The following NMNAT3 variants were observed in gnomAD, a reference collection of about 807,000 sequenced individuals.
NMNAT3 encodes nicotinamide nucleotide adenylyltransferase 3, also known as nicotinamide/nicotinic acid mononucleotide adenylyltransferase 3.
In NMNAT3, 21 loss-of-function variants were observed where a neutral mutation model predicts 24.8. The ratio of observed to expected loss-of-function variants is 0.85; its 90% CI spans 0.60 to 1.22. NMNAT3 has a LOEUF of 1.22. Among genes scored for constraint, NMNAT3 ranks in the 50% most tolerant of loss-of-function variants. The pLI is 0.00. For synonymous variants in NMNAT3, 136 were observed against 155.2 expected, an observed-to-expected ratio of 0.88 and a Z score of 0.92; for missense variants, 387 against 436.6, an observed-to-expected ratio of 0.89 and a Z score of 1.01.
At position 139,671,543 on chromosome 3, in the gene NMNAT3, TATC is replaced by T. The variant is rs200771149; in HGVS notation, c.-141+6159_-141+6161del. ...CTGAAACAGGCAGCTCCTATACTTTTATCATCGACGGTCCTTTGATTACTTACA... is the reference window on the plus strand; with the variant it reads ...CTGAAACAGGCAGCTCCTATACTTTTATCGACGGTCCTTTGATTACTTACA... On this transcript the variant is annotated intron_variant, in intron 1 of 6. Coordinates refer to ENST00000643695, the MANE Select transcript of NMNAT3 (RefSeq NM_001320510.2). Among the ~76,000 whole-genome samples the T allele has an allele frequency of 2.0e-3, 302 of 152,284 alleles. 4 individuals are homozygous for T. The highest frequency in any genetic ancestry group is 7.1e-3 in the East Asian group (37 of 5,188).
intron 3 of NMNAT3, among the ~76,000 whole-genome samples, chr3:139,587,775 T>G (rs2053999796): frequency 6.6e-6 from 1 of 152,222 alleles, no homozygotes; most frequent in South Asian, 2.1e-4. Context: ...GCTCCTTCTT[T>G]TTCTCTTCCT....
In NMNAT3 at chr3:139,607,313, C is replaced by T. The variant is rs143974056; in HGVS notation, c.109+20303G>A. ...ACACCAAAGAGTTTATTTTAGCCTC[C>T]ACTCCTTTATTCATAATTCCTTTCT... On this transcript the variant is annotated intron_variant, in intron 3 of 6. Coordinates refer to ENST00000643695, the MANE Select transcript of NMNAT3 (RefSeq NM_001320510.2). 7.9e-5 allele frequency among the ~76,000 whole-genome samples: 12 copies of T among 152,160 alleles called. No individual in the cohort carries two copies. The East Asian group carries it at 2.3e-3, about 29-fold the overall frequency.
chr3:139,622,246 C>T (rs2055809784), intron 3 of NMNAT3, among the ~76,000 whole-genome samples: 1 of 152,016 alleles, frequency 6.6e-6, no homozygotes, highest in African/African-American at 2.4e-5. Context: ...CCAACATTGG[C>T]TATTTTTTGT....
chr3:139,673,585 C>T (rs557667082), intron 1 of NMNAT3, among the ~76,000 whole-genome samples: 69 of 152,228 alleles, frequency 4.5e-4, no homozygotes, highest in African/African-American at 1.4e-3. Flanking sequence ...CTTCCACATG[C>T]GGCCCTGACA....
intron 1 of NMNAT3, among the ~76,000 whole-genome samples, chr3:139,670,030 G>T (rs1271230244): frequency 6.6e-6 from 1 of 152,152 alleles, no homozygotes; most frequent in East Asian, 1.9e-4. Context: ...AAGAAATATG[G>T]TAATGTTTTT....
At chr3:139,609,103 G>C (rs2055077412) in intron 3 of NMNAT3, among the ~76,000 whole-genome samples, 1 of 152,180 alleles carries the variant, frequency 6.6e-6, no homozygotes. Context: ...GTAGTCTATG[G>C]TATGGATGTA....
chr3:139,606,460 A>G (rs1480178082), intron 3 of NMNAT3, among the ~76,000 whole-genome samples: 2 of 152,208 alleles, frequency 1.3e-5, no homozygotes, highest in East Asian at 3.9e-4. Flanking sequence ...TTTTGGTCAT[A>G]TTAACTTTGA....
At chr3:139,661,392 G>GGT (rs1357352072) in intron 1 of NMNAT3, among the ~76,000 whole-genome samples, 2 of 152,192 alleles carry the variant, frequency 1.3e-5, no homozygotes, top group Non-Finnish European at 2.9e-5. Flanking sequence ...TAGAGGGCTA[G>GGT]GTGTGGTGGC....
At chr3:139,613,338 A>G (rs2055321492) in intron 3 of NMNAT3, among the ~76,000 whole-genome samples, 1 of 152,216 alleles carries the variant, frequency 6.6e-6, no homozygotes, top group Non-Finnish European at 1.5e-5. Flanking sequence ...ATGAACAGAC[A>G]CTTCTCAAAA....
At chr3:139,636,582 A>T (rs1014226848) in intron 2 of NMNAT3, 1 of 152,244 alleles carries the variant, frequency 6.6e-6, no homozygotes, top group African/African-American at 2.4e-5. Flanking sequence ...CTTGACAAAA[A>T]TGAAGCACAA....
chr3:139,628,612 C>G (rs1037837914), intron 2 of NMNAT3, among the ~76,000 whole-genome samples: 2 of 152,150 alleles, frequency 1.3e-5, no homozygotes, highest in Non-Finnish European at 2.9e-5. Flanking sequence ...CTGGTCTCAC[C>G]CTGTTGAGGT....
At chr3:139,671,090 A>C (rs2057741054) in intron 1 of NMNAT3, among the ~76,000 whole-genome samples, 1 of 152,206 alleles carries the variant, frequency 6.6e-6, no homozygotes. Flanking sequence ...ATCATTGTTT[A>C]ATTTGGCTGA....
intron 1 of NMNAT3, among the ~76,000 whole-genome samples, chr3:139,643,760 A>G (rs897676605): frequency 2.0e-5 from 3 of 152,224 alleles, no homozygotes; most frequent in South Asian, 2.1e-4. Flanking sequence ...TTTAATAGGT[A>G]TAGACTTTTA....
At chr3:139,661,007 T>C (rs1360952434) in intron 1 of NMNAT3, among the ~76,000 whole-genome samples, 1 of 152,224 alleles carries the variant, frequency 6.6e-6, no homozygotes, top group Non-Finnish European at 1.5e-5. Context: ...TGGTCCTTTT[T>C]TTGTATCATA....
At position 139,576,885 on chromosome 3, in the gene NMNAT3, G is replaced by A. The variant is rs149965329; in HGVS notation, c.575+1987C>T. Among the ~76,000 whole-genome samples, 1,178 of 152,058 alleles carry A rather than the reference G, an allele frequency of 7.7e-3. 22 individuals are homozygous for A. Among genetic ancestry groups the A allele is most frequent in the African/African-American group, 0.027 (1,108 of 41,472 alleles). On this transcript the variant is annotated intron_variant, in intron 5 of 6. Coordinates refer to ENST00000643695, the MANE Select transcript of NMNAT3 (RefSeq NM_001320510.2). ...AGCCTGGCCAACATGGTGAACCCCCGTCTCTACTAAAAATACAAAAAATTA... is the reference window on the plus strand; with the variant it reads ...AGCCTGGCCAACATGGTGAACCCCCATCTCTACTAAAAATACAAAAAATTA...
At chr3:139,639,781 C>T (rs944246218) in intron 1 of NMNAT3, among the ~76,000 whole-genome samples, 4 of 152,130 alleles carry the variant, frequency 2.6e-5, no homozygotes, top group Admixed American at 1.3e-4. Flanking sequence ...TGTTAGCTTG[C>T]AAGTAGGGTA....
rs965987239 is a variant in NMNAT3, at chr3:139,633,892, C to T, written c.-41+4071G>A. Among the ~76,000 whole-genome samples the T allele has an allele frequency of 6.6e-5, 10 of 152,256 alleles. No homozygotes were observed. In the East Asian group the frequency reaches 1.5e-3, roughly 24 times the overall value. On this transcript the variant is annotated intron_variant, in intron 2 of 6. Transcript: ENST00000643695. ...ATTTTAAACAGGGATGTGACTTGCTCAGTCTGTGTTTCAGAAAGAGCACTC... is the reference window on the plus strand; with the variant it reads ...ATTTTAAACAGGGATGTGACTTGCTTAGTCTGTGTTTCAGAAAGAGCACTC...
chr3:139,669,635 A>G (rs991985950), intron 1 of NMNAT3, among the ~76,000 whole-genome samples: 4 of 152,202 alleles, frequency 2.6e-5, no homozygotes, highest in African/African-American at 9.6e-5. Flanking sequence ...GTGTTTCTAT[A>G]TAAAGGCAAT....
rs1219557550 is a variant in NMNAT3, at chr3:139,596,943, TATATATATATATATA to T, written c.110-13750_110-13736del. 2.3e-3 allele frequency among the ~76,000 whole-genome samples: 304 copies of T among 129,496 alleles called. 6 individuals carry two copies. The highest frequency in any genetic ancestry group is 9.0e-3 in the African/African-American group (280 of 30,972). The allele number at this position is 129,496 out of a possible 152,430, so 85.0% of individuals were successfully genotyped here. A position where few individuals can be genotyped will look rare whatever the true frequency, so the allele number is the denominator to read the frequency against. ...ATATATATATATATATATATATATA[TATATATATATATATA>T]TATATATTTTTATTACATTGCATTA... On this transcript the variant is annotated intron_variant, in intron 3 of 6. Transcript: ENST00000643695.
Sources: gnomAD v4.1 joint callset for allele counts (sites outside exome capture counted in the v4.1 genomes callset) on GRCh38, gnomAD v4.1.1 for gene constraint, MANE v1.5 for transcripts, NCBI Gene and HGNC (gene_info 2026-07-23, HGNC 2026-07-21) for gene names.